NPAS3: variants seen among roughly 807,000 people sequenced by gnomAD.
NPAS3 encodes neuronal PAS domain-containing protein 3.
Under a neutral mutation model 73.1 loss-of-function variants are expected in NPAS3, and 14 were observed. The observed-to-expected ratio is 0.19, with a 90% CI of 0.13 to 0.30. The LOEUF (loss-of-function observed/expected upper bound fraction) is 0.30, where lower values mean the gene tolerates loss of function less well. NPAS3 is among the 10% of genes least tolerant of loss of function. NPAS3 has a pLI of 1.00. For synonymous variants in NPAS3, 620 were observed against 541.5 expected (o/e 1.14, Z -2.01); for missense variants, 1,096 against 1,250.0 (o/e 0.88, Z 1.86).
intron 4 of NPAS3, among the ~76,000 whole-genome samples, chr14:33,490,507 C>T (rs1018384241): frequency 4.6e-5 from 7 of 152,104 alleles, no homozygotes; most frequent in Non-Finnish European, 7.4e-5. Flanking sequence ...AATCTAGAAC[C>T]TCGAGCTTGT....
At chr14:33,545,653 T>A (rs2054809468) in intron 4 of NPAS3, among the ~76,000 whole-genome samples, 1 of 152,192 alleles carries the variant, frequency 6.6e-6, no homozygotes, top group Non-Finnish European at 1.5e-5. Flanking sequence ...TCTGGCCACA[T>A]AGGCTCTTTA....
At chr14:33,643,375 T>TAAAAAA (rs755879056) in intron 5 of NPAS3, among the ~76,000 whole-genome samples, 6 of 94,664 alleles carry the variant, frequency 6.3e-5, no homozygotes, top group African/African-American at 1.2e-4. Flanking sequence ...AAATAAAAAT[T>TAAAAAA]AAAAAAAAAA....
intron 4 of NPAS3, among the ~76,000 whole-genome samples, chr14:33,432,741 T>C (rs1405339791): frequency 1.3e-5 from 2 of 152,218 alleles, no homozygotes; most frequent in Non-Finnish European, 2.9e-5. Context: ...GAAACCTGTT[T>C]TGTCATCACT....
chr14:33,105,961 A>T (rs899515826), intron 2 of NPAS3, among the ~76,000 whole-genome samples: 1 of 152,124 alleles, frequency 6.6e-6, no homozygotes, highest in Non-Finnish European at 1.5e-5. Flanking sequence ...GATATCAAAG[A>T]TATATTGACT....
At chr14:33,219,644 G>A (rs2047349915) in intron 3 of NPAS3, among the ~76,000 whole-genome samples, 1 of 152,160 alleles carries the variant, frequency 6.6e-6, no homozygotes, top group Non-Finnish European at 1.5e-5. Context: ...TCTGAGAGTA[G>A]AGACTTGCAG....
At chr14:33,363,920 C>CTGTGTGTGTG (rs1358331553) in intron 3 of NPAS3, among the ~76,000 whole-genome samples, 3 of 25,628 alleles carry the variant, frequency 1.2e-4, no homozygotes, top group African/African-American at 1.9e-4. Flanking sequence ...TAGCAATGCC[C>CTGTGTGTGTG]TCTGTGTGTG....
At chr14:33,407,918 CT>C (rs2047740282) in intron 4 of NPAS3, among the ~76,000 whole-genome samples, 4 of 152,122 alleles carry the variant, frequency 2.6e-5, no homozygotes, top group Admixed American at 2.0e-4. Context: ...TCCAATAATT[CT>C]CTCACGTAGG....
chr14:33,331,518 CT>C (rs957073003), intron 3 of NPAS3, among the ~76,000 whole-genome samples: 15 of 151,774 alleles, frequency 9.9e-5, no homozygotes, highest in East Asian at 1.9e-4. Flanking sequence ...CTTTTGAGGG[CT>C]TTTTTTTCCT....
At chr14:33,790,510 C>G (rs536033293) in intron 9 of NPAS3, among the ~76,000 whole-genome samples, 51 of 151,172 alleles carry the variant, frequency 3.4e-4, no homozygotes, top group Admixed American at 2.4e-3. Flanking sequence ...GATCCTGCCT[C>G]TGGCGCAGCT....
chr14:33,291,207 G>C (rs779780603), intron 3 of NPAS3, among the ~76,000 whole-genome samples: 10 of 152,134 alleles, frequency 6.6e-5, no homozygotes, highest in Admixed American at 2.0e-4. Flanking sequence ...GAGCTTAAAA[G>C]TATATCAGCT....
At chr14:33,675,992 A>C (rs1437566292) in intron 5 of NPAS3, among the ~76,000 whole-genome samples, 2 of 152,216 alleles carry the variant, frequency 1.3e-5, no homozygotes, top group East Asian at 3.8e-4. Context: ...AAAAAAAAAA[A>C]AACTGAGCTT....
intron 9 of NPAS3, among the ~76,000 whole-genome samples, chr14:33,781,084 A>T (rs904709276): frequency 6.6e-6 from 1 of 152,214 alleles, no homozygotes; most frequent in Non-Finnish European, 1.5e-5. Context: ...CATGCTGTGG[A>T]ATAACTCCAC....
At chr14:33,675,070 C>T (rs192330715) in intron 5 of NPAS3, among the ~76,000 whole-genome samples, 23 of 101,632 alleles carry the variant, frequency 2.3e-4, no homozygotes, top group Non-Finnish European at 4.7e-4. Context: ...TAAATATCCA[C>T]CAAGAAACTT....
chr14:33,445,934 T>TTC (rs201420294), intron 4 of NPAS3, among the ~76,000 whole-genome samples: 32 of 143,712 alleles, frequency 2.2e-4, no homozygotes, highest in African/African-American at 4.9e-4. Flanking sequence ...GTGTTGCACT[T>TTC]TTTTTTTTTT....
At chr14:33,515,863 T>A (rs886967021) in intron 4 of NPAS3, among the ~76,000 whole-genome samples, 1 of 152,144 alleles carries the variant, frequency 6.6e-6, no homozygotes, top group Non-Finnish European at 1.5e-5. Context: ...CTTTGTACTT[T>A]ATTCACATGT....
chr14:33,686,157 C>T lies in NPAS3; in HGVS notation c.733+9772C>T, dbSNP rs76709745. Among the ~76,000 whole-genome samples, 1,450 of 152,244 alleles carry T rather than the reference C, an allele frequency of 9.5e-3. 20 individuals carry two copies. Among genetic ancestry groups the T allele is most frequent in the African/African-American group, 0.033 (1,381 of 41,538 alleles). On this transcript the variant is annotated intron_variant, in intron 6 of 11. Coordinates refer to ENST00000356141, the Ensembl canonical transcript of NPAS3. ...ATGACCTACATGGCCTGCATGAAAA[C>T]CAACCTAAGAGCCAAAAGGTAGAGG...
chr14:33,699,181 C>G (rs2060465332), intron 6 of NPAS3, among the ~76,000 whole-genome samples: 1 of 152,110 alleles, frequency 6.6e-6, no homozygotes, highest in South Asian at 2.1e-4. Context: ...TGTTAACTTT[C>G]ATTTTAACGT....
At chr14:33,288,910 A>G (rs1247738953) in intron 3 of NPAS3, among the ~76,000 whole-genome samples, 4 of 152,192 alleles carry the variant, frequency 2.6e-5, no homozygotes, top group Admixed American at 2.6e-4. Flanking sequence ...GTGCTCAATC[A>G]TGAGATTCCA....
At chr14:33,009,528 G>A (rs149202723) in intron 1 of NPAS3, among the ~76,000 whole-genome samples, 2 of 152,260 alleles carry the variant, frequency 1.3e-5, no homozygotes, top group African/African-American at 4.8e-5. Context: ...TGATGACGGT[G>A]GCAACAATAA....
Sources: allele counts gnomAD v4.1 joint callset (sites outside exome capture counted in the v4.1 genomes callset), GRCh38; gene constraint gnomAD v4.1.1; transcripts MANE v1.5; gene names NCBI Gene and HGNC (gene_info 2026-07-23, HGNC 2026-07-21).